Variants in SPMIP1 observed in about 807,000 individuals in gnomAD.
SPMIP1 encodes protein SPMIP1.
At chr7:128,869,799 C>G in the SPMIP1 span, 1 of 152,400 alleles carries the variant, frequency 6.6e-6, no homozygotes, top group East Asian at 1.9e-4. Context: ...CGCTCAGGGC[C>G]GCCCCACCCG....
chr7:128,870,489 T>G, the SPMIP1 span: 1 of 151,486 alleles, frequency 6.6e-6, no homozygotes, highest in Non-Finnish European at 1.5e-5. Flanking sequence ...TCTCTTACGC[T>G]GAGGGGTCTC....
At chr7:128,868,670 C>A in the SPMIP1 span, 3 of 1,533,746 alleles carry the variant, frequency 2.0e-6, no homozygotes, top group Non-Finnish European at 1.7e-6. Flanking sequence ...TCCCAGGCCC[C>A]CCAGTGAAGC....
At chr7:128,867,479 T>C in the SPMIP1 span, among the ~76,000 whole-genome samples, 8 of 152,362 alleles carry the variant, frequency 5.3e-5, no homozygotes, top group South Asian at 1.2e-3. Context: ...TATGTTATGC[T>C]TGAAGTGTCT....
chr7:128,869,104 CG>C, the SPMIP1 span: 1 of 393,718 alleles, frequency 2.5e-6, no homozygotes, highest in African/African-American at 2.1e-5. Flanking sequence ...CTTGTCATTT[CG>C]GAGGCCAGGG....
At chr7:128,866,644 G>C in the SPMIP1 span, 39 of 1,506,086 alleles carry the variant, frequency 2.6e-5, no homozygotes, top group Non-Finnish European at 3.4e-5. Flanking sequence ...GCCCAGCCCT[G>C]TCCCAGAGGC....
At chr7:128,870,868 C>T in the SPMIP1 span, 2 of 152,502 alleles carry the variant, frequency 1.3e-5, no homozygotes, top group African/African-American at 4.8e-5. Context: ...GAGCCTCCTC[C>T]TCACCCCAGC....
At chr7:128,871,787 C>A in the SPMIP1 span, 1 of 152,162 alleles carries the variant, frequency 6.6e-6, no homozygotes, top group African/African-American at 2.4e-5. Context: ...GACTCCTGGG[C>A]CTTTAGAAAT....
At chr7:128,868,803 G>A in the SPMIP1 span, 3 of 1,478,072 alleles carry the variant, frequency 2.0e-6, no homozygotes, top group Admixed American at 2.1e-5. Context: ...GCTTAGGGGA[G>A]GGAAGAAGAA....
the SPMIP1 span, chr7:128,866,453 G>A: frequency 6.5e-6 from 10 of 1,535,640 alleles, no homozygotes; most frequent in African/African-American, 1.4e-5. Context: ...CAGAACTTCT[G>A]GAAGGAGGAA....
chr7:128,866,624 C>G, the SPMIP1 span: 1 of 1,535,344 alleles, frequency 6.5e-7, no homozygotes, highest in Non-Finnish European at 8.7e-7. Context: ...AAGTCAGCCC[C>G]TTCCAAGGTG....
At chr7:128,868,084 G>C in the SPMIP1 span, among the ~76,000 whole-genome samples, 1 of 152,230 alleles carries the variant, frequency 6.6e-6, no homozygotes, top group East Asian at 1.9e-4. Context: ...AGATGAAGAG[G>C]AAAGGTGTGG....
At chr7:128,867,495 G>T in the SPMIP1 span, among the ~76,000 whole-genome samples, 1 of 152,204 alleles carries the variant, frequency 6.6e-6, no homozygotes, top group African/African-American at 2.4e-5. Context: ...TGTCTGTAGG[G>T]TGGCTGTGTC....
the SPMIP1 span, chr7:128,868,945 C>T: frequency 1.8e-6 from 1 of 565,562 alleles, no homozygotes; most frequent in Non-Finnish European, 3.2e-6. Flanking sequence ...TTTTCCGTAA[C>T]CCTCATCACT....
chr7:128,866,358 G>A, the SPMIP1 span: 3 of 1,416,514 alleles, frequency 2.1e-6, no homozygotes, highest in South Asian at 4.1e-5. Flanking sequence ...TCTGCTTGCT[G>A]TGCTCACCCC....
At chr7:128,869,466 C>T in the SPMIP1 span, 6 of 152,360 alleles carry the variant, frequency 3.9e-5, no homozygotes, top group Admixed American at 2.6e-4. Flanking sequence ...GGGAGTTGAG[C>T]CGGACTGGGC....
At chr7:128,871,377 G>A in the SPMIP1 span, 1 of 152,204 alleles carries the variant, frequency 6.6e-6, no homozygotes, top group African/African-American at 2.4e-5. Context: ...CAGGCCCAGA[G>A]AAGAAACCCG....
the SPMIP1 span, chr7:128,870,392 C>G: frequency 6.6e-6 from 1 of 152,506 alleles, no homozygotes; most frequent in African/African-American, 2.4e-5. Flanking sequence ...CCCTCTGACC[C>G]TGAGGAGCCC....
At chr7:128,867,218 CAT>C in the SPMIP1 span, among the ~76,000 whole-genome samples, 6 of 152,168 alleles carry the variant, frequency 3.9e-5, no homozygotes, top group East Asian at 1.9e-4. Context: ...GAATCTGGCA[CAT>C]GAGTTGGGCA....
chr7:128,868,004 C>CT, the SPMIP1 span, among the ~76,000 whole-genome samples: 2 of 152,138 alleles, frequency 1.3e-5, no homozygotes, highest in Non-Finnish European at 2.9e-5. Context: ...TCGGCTGAGT[C>CT]TTTTTTCTGT....
Sources: allele counts gnomAD v4.1 joint callset (sites outside exome capture counted in the v4.1 genomes callset), GRCh38; gene constraint gnomAD v4.1.1; transcripts MANE v1.5; gene names NCBI Gene and HGNC (gene_info 2026-07-23, HGNC 2026-07-21).